The following LRRC7 variants were observed in gnomAD, a reference collection of about 807,000 sequenced individuals.
The protein encoded by LRRC7 is leucine-rich repeat-containing protein 7.
Under a neutral mutation model 175.7 loss-of-function variants are expected in LRRC7, and 23 were observed. The observed-to-expected ratio is 0.13, with a 90% CI of 0.09 to 0.19. The LOEUF is 0.19. Ranked by LOEUF, LRRC7 falls within the 10% of genes least tolerant of loss-of-function variation. The probability of loss-of-function intolerance (pLI) is 1.00; values close to 1 mark genes in which losing one functional copy is unlikely to be tolerated. For missense variants in LRRC7, 1,354 were observed against 1,904.7 expected, an observed-to-expected ratio of 0.71 and a Z score of 5.38; for synonymous variants, 685 against 680.9, an observed-to-expected ratio of 1.01 and a Z score of -0.09.
chr1:70,028,518 T>G (rs945070360), intron 18 of LRRC7, 147 bp downstream of exon 18: 19 of 740,668 alleles, frequency 2.6e-5, no homozygotes, highest in Non-Finnish European at 4.2e-5. Flanking sequence ...CTATGAGGGT[T>G]GCATTTAATC....
intron 22 of LRRC7, among the ~76,000 whole-genome samples, chr1:70,044,426 A>C (rs1660171078): frequency 6.6e-6 from 1 of 151,642 alleles, no homozygotes; most frequent in African/African-American, 2.4e-5. Flanking sequence ...GTTTATATAT[A>C]TGTTTTTTAC....
At chr1:70,067,580 A>G (rs1254470931) in intron 23 of LRRC7, among the ~76,000 whole-genome samples, 1 of 152,062 alleles carries the variant, frequency 6.6e-6, no homozygotes, top group African/African-American at 2.4e-5. Flanking sequence ...CTCACTCTAT[A>G]CTTCTTTTCC....
chr1:69,636,919 T>C (rs1053638993), intron 1 of LRRC7, among the ~76,000 whole-genome samples: 33 of 152,012 alleles, frequency 2.2e-4, no homozygotes, highest in Admixed American at 1.9e-3. Context: ...AATTTGCTAA[T>C]ATTTTATTCA....
chr1:69,647,063 C>CA (rs1176415128), intron 1 of LRRC7, among the ~76,000 whole-genome samples: 1 of 152,192 alleles, frequency 6.6e-6, no homozygotes, highest in South Asian at 2.1e-4. Flanking sequence ...TATATGTCCC[C>CA]ACTAGAAATG....
At chr1:69,973,630 T>C (rs1652502411) in intron 8 of LRRC7, among the ~76,000 whole-genome samples, 1 of 152,222 alleles carries the variant, frequency 6.6e-6, no homozygotes, top group African/African-American at 2.4e-5. Flanking sequence ...GGATACACTC[T>C]GTTGCCCAGG....
At chr1:69,593,175 TA>T (rs1222036782) in intron 1 of LRRC7, among the ~76,000 whole-genome samples, 3 of 152,012 alleles carry the variant, frequency 2.0e-5, no homozygotes, top group Non-Finnish European at 4.4e-5. Context: ...ACAGGCTGAG[TA>T]ATGAAACATA....
intron 8 of LRRC7, among the ~76,000 whole-genome samples, chr1:69,952,550 G>T (rs1650047417): frequency 6.6e-6 from 1 of 152,042 alleles, no homozygotes; most frequent in South Asian, 2.1e-4. Flanking sequence ...AGTTGGCTTT[G>T]CAGGGTAATT....
chr1:69,918,403 T>A (rs1348734649), intron 7 of LRRC7, among the ~76,000 whole-genome samples: 2 of 152,258 alleles, frequency 1.3e-5, no homozygotes, highest in African/African-American at 4.8e-5. Flanking sequence ...AGTTCTATTT[T>A]ATTTTTCTGA....
At chr1:69,840,010 G>C (rs1681551880) in intron 7 of LRRC7, among the ~76,000 whole-genome samples, 1 of 151,912 alleles carries the variant, frequency 6.6e-6, no homozygotes, top group Non-Finnish European at 1.5e-5. Flanking sequence ...TTTGGACATA[G>C]AAAAATGTTG....
chr1:70,101,480 C>T (rs1664804321), intron 25 of LRRC7, among the ~76,000 whole-genome samples: 1 of 152,084 alleles, frequency 6.6e-6, no homozygotes. Context: ...AATCGTTCAC[C>T]TTCATCATTA....
At chr1:69,619,867 T>A (rs1172229702) in intron 1 of LRRC7, among the ~76,000 whole-genome samples, 2 of 152,152 alleles carry the variant, frequency 1.3e-5, no homozygotes, top group Non-Finnish European at 2.9e-5. Context: ...AAATGACCAA[T>A]GAATGAAATT....
chr1:69,762,218 G>A (rs572986488), intron 3 of LRRC7, among the ~76,000 whole-genome samples: 4 of 152,014 alleles, frequency 2.6e-5, no homozygotes, highest in African/African-American at 9.6e-5. Context: ...AATTTTGTAA[G>A]ATAGGTAGTA....
chr1:70,077,158 A>T (rs867893400), intron 24 of LRRC7, among the ~76,000 whole-genome samples: 15 of 152,294 alleles, frequency 9.8e-5, no homozygotes, highest in African/African-American at 3.6e-4. Flanking sequence ...TATCAAAATT[A>T]ACTTCATTCT....
chr1:70,051,941 T>G (rs1244882149), intron 22 of LRRC7, among the ~76,000 whole-genome samples: 1 of 152,100 alleles, frequency 6.6e-6, no homozygotes, highest in African/African-American at 2.4e-5. Flanking sequence ...ATTTTTAACA[T>G]GTTTTGATGA....
chr1:69,833,492 T>C (rs1680756397), intron 5 of LRRC7, among the ~76,000 whole-genome samples: 1 of 152,156 alleles, frequency 6.6e-6, no homozygotes, highest in African/African-American at 2.4e-5. Flanking sequence ...ACATATATTC[T>C]TTTATACGTA....
chr1:69,728,305 G>T (rs1488562542), intron 2 of LRRC7, among the ~76,000 whole-genome samples: 1 of 152,084 alleles, frequency 6.6e-6, no homozygotes, highest in Non-Finnish European at 1.5e-5. Context: ...TGTTTGAAAT[G>T]GGCAGATTTG....
At position 70,124,272 on chromosome 1, in the gene LRRC7, C is replaced by A. The variant is rs1666344533; in HGVS notation, c.*2385C>A. On this transcript the variant is annotated 3_prime_UTR_variant, in exon 27 of 27. Transcript: ENST00000651989. ...AGGCGTGGTGGCTCACACTAGTAAT[C>A]CCCACACTTTGGGAGGCCAAGGTGG... is the stretch of plus-strand genomic sequence containing the variant. 2.0e-5 allele frequency among the ~76,000 whole-genome samples: 3 copies of A among 152,198 alleles called. No homozygotes were observed. The highest frequency in any genetic ancestry group is 2.0e-4 in the Admixed American group (3 of 15,282).
intron 5 of LRRC7, among the ~76,000 whole-genome samples, chr1:69,834,246 T>C (rs1369748315): frequency 6.6e-6 from 1 of 152,152 alleles, no homozygotes; most frequent in Non-Finnish European, 1.5e-5. Flanking sequence ...TTTACATACA[T>C]GTTGAGCAGA....
chr1:69,950,812 G>A (rs1040607144), intron 8 of LRRC7, among the ~76,000 whole-genome samples: 2 of 152,044 alleles, frequency 1.3e-5, no homozygotes, highest in Non-Finnish European at 2.9e-5. Flanking sequence ...AAGGGAGATG[G>A]ATAAAAGAGA....
Sources: allele counts gnomAD v4.1 joint callset (sites outside exome capture counted in the v4.1 genomes callset), GRCh38; gene constraint gnomAD v4.1.1; transcripts MANE v1.5; gene names NCBI Gene and HGNC (gene_info 2026-07-23, HGNC 2026-07-21).